CCDC15: variants seen among roughly 807,000 people sequenced by gnomAD.
The protein encoded by CCDC15 is coiled-coil domain-containing protein 15.
CCDC15 carries 105 observed loss-of-function variants against 114.5 expected under a neutral mutation model. The ratio of observed to expected loss-of-function variants is 0.92; its 90% CI spans 0.78 to 1.08. The LOEUF is 1.08. Ranked by LOEUF, CCDC15 falls within the 50% of genes least tolerant of loss-of-function variation. CCDC15 has a pLI of 0.00. For synonymous variants in CCDC15, 334 were observed against 377.8 expected, an observed-to-expected ratio of 0.88 and a Z score of 1.34; for missense variants, 1,105 against 1,093.6, an observed-to-expected ratio of 1.01 and a Z score of -0.15.
chr11:124,965,700 T>C (rs1040881777), intron 4 of CCDC15, among the ~76,000 whole-genome samples: 4 of 152,174 alleles, frequency 2.6e-5, no homozygotes, highest in Admixed American at 6.5e-5. Context: ...ATTTGTTTTC[T>C]CTTGCTTCTC....
At chr11:124,981,778 T>C (rs1024916265) in intron 6 of CCDC15, among the ~76,000 whole-genome samples, 2 of 152,098 alleles carry the variant, frequency 1.3e-5, no homozygotes, top group Admixed American at 1.3e-4. Context: ...CAACATCATG[T>C]GTGGCTAATT....
chr11:125,027,424 G>A (rs1948710961), intron 13 of CCDC15, among the ~76,000 whole-genome samples: 1 of 151,846 alleles, frequency 6.6e-6, no homozygotes, highest in Admixed American at 6.6e-5. Flanking sequence ...TTTAAATTAT[G>A]GCCATTCTTG....
At chr11:124,984,590 A>G (rs1219987420) in intron 6 of CCDC15, among the ~76,000 whole-genome samples, 5 of 152,080 alleles carry the variant, frequency 3.3e-5, no homozygotes, top group Non-Finnish European at 4.4e-5. Flanking sequence ...TAGGCTTTGC[A>G]CCGGCTGGAA....
intron 6 of CCDC15, among the ~76,000 whole-genome samples, chr11:124,978,212 A>G (rs1199978827): frequency 6.6e-6 from 1 of 152,226 alleles, no homozygotes; most frequent in Non-Finnish European, 1.5e-5. Context: ...TTATGGCTGC[A>G]TAGTATTCCA....
At chr11:124,983,162 G>A (rs1948100128) in intron 6 of CCDC15, among the ~76,000 whole-genome samples, 1 of 151,976 alleles carries the variant, frequency 6.6e-6, no homozygotes, top group Admixed American at 6.5e-5. Flanking sequence ...TCTTATAATG[G>A]CCATTTTGTC....
Position 125,038,592 on chromosome 11 carries a change from A to C in CCDC15, c.2573A>C (p.Lys858Thr), listed in dbSNP as rs748663732. Residue 858 changes from lysine (K) to threonine (T), a missense_variant, in exon 14 of 16, where the codon AAA becomes ACA. Lys to Thr is a moderately conservative substitution (Grantham distance 78). Coordinates refer to ENST00000344762, the MANE Select transcript of CCDC15 (RefSeq NM_025004.3). ...KGTREKQQRE[K>T]EYLRYVEALR... ...ACCAGAGAAAAACAACAGAGAGAAA[A>C]AGAATACCTGAGGTAATTTGAAAAG... 6 of 1,566,052 alleles carry C rather than the reference A, an allele frequency of 3.8e-6. No homozygotes were observed. In the East Asian group the frequency reaches 1.4e-4, roughly 36 times the overall value.
chr11:125,032,908 T>C (rs904276184), intron 13 of CCDC15, among the ~76,000 whole-genome samples: 9 of 152,222 alleles, frequency 5.9e-5, no homozygotes, highest in African/African-American at 1.7e-4. Flanking sequence ...CTGGATTCAG[T>C]GTCAGCTCAG....
intron 6 of CCDC15, among the ~76,000 whole-genome samples, chr11:124,978,231 G>T (rs1231224331): frequency 6.6e-6 from 1 of 152,058 alleles, no homozygotes; most frequent in African/African-American, 2.4e-5. Flanking sequence ...CATGGTGTAT[G>T]TGTACCACAT....
At chr11:124,957,787 A>G (rs982541661) in intron 2 of CCDC15, among the ~76,000 whole-genome samples, 1 of 152,200 alleles carries the variant, frequency 6.6e-6, no homozygotes, top group African/African-American at 2.4e-5. Context: ...AATGCATTTG[A>G]TTTTGAGAAT....
At chr11:124,986,700 T>TGTGTGTGTGTGTGAGC in intron 6 of CCDC15, 42 bp from the exon 7 acceptor site, 5 of 1,351,574 alleles carry the variant, frequency 3.7e-6, no homozygotes, top group East Asian at 2.8e-5. Flanking sequence ...TTTGTGTGTG[T>TGTGTGTGTGTGTGAGC]GCGCGCGCGC....
intron 4 of CCDC15, among the ~76,000 whole-genome samples, chr11:124,964,706 G>A (rs558245014): frequency 6.6e-6 from 1 of 152,206 alleles, no homozygotes; most frequent in Non-Finnish European, 1.5e-5. Context: ...AGAGGGCATC[G>A]CTGTCTTGTG....
chr11:124,995,904 C>G (rs774395950), intron 11 of CCDC15, among the ~76,000 whole-genome samples: 1 of 151,794 alleles, frequency 6.6e-6, no homozygotes, highest in Non-Finnish European at 1.5e-5. Context: ...AATCTCAGCT[C>G]ACTGCAACTC....
At chr11:124,974,496 T>C (rs908515727) in intron 4 of CCDC15, among the ~76,000 whole-genome samples, 5 of 152,152 alleles carry the variant, frequency 3.3e-5, no homozygotes, top group Non-Finnish European at 5.9e-5. Context: ...TGAAACAAAT[T>C]GGTTCTTTTG....
At chr11:124,996,060 C>T (rs1394707430) in intron 11 of CCDC15, among the ~76,000 whole-genome samples, 1 of 152,022 alleles carries the variant, frequency 6.6e-6, no homozygotes, top group Admixed American at 6.5e-5. Flanking sequence ...AAACTCCTGA[C>T]CTCAGGTGAC....
intron 13 of CCDC15, among the ~76,000 whole-genome samples, chr11:125,020,930 T>C (rs76822299): frequency 1.3e-5 from 2 of 151,854 alleles, no homozygotes; most frequent in Non-Finnish European, 2.9e-5. Context: ...ATTTTTTTTT[T>C]CCTAGGAGAA....
intron 4 of CCDC15, among the ~76,000 whole-genome samples, chr11:124,968,736 T>C (rs1947828061): frequency 6.6e-6 from 1 of 152,170 alleles, no homozygotes; most frequent in African/African-American, 2.4e-5. Flanking sequence ...GTCTTCTGCG[T>C]CGATCACGCT....
intron 13 of CCDC15, 118 bp from the exon 14 acceptor site, chr11:125,038,313 T>G (rs1381375786): frequency 1.5e-6 from 1 of 657,312 alleles, no homozygotes; most frequent in Admixed American, 3.7e-5. Flanking sequence ...CTTGGGATAT[T>G]AAACTGATTT....
chr11:124,954,615 T>TGAA, intron 1 of CCDC15, 109 bp from the exon 2 acceptor site: 1 of 845,478 alleles, frequency 1.2e-6, no homozygotes, highest in Non-Finnish European at 1.9e-6. Context: ...GCCAGGCTTC[T>TGAA]GCCTCCAGGG....
intron 11 of CCDC15, among the ~76,000 whole-genome samples, chr11:125,002,296 C>A (rs995152278): frequency 6.6e-6 from 1 of 152,158 alleles, no homozygotes; most frequent in Non-Finnish European, 1.5e-5. Flanking sequence ...GTTCCACATA[C>A]AAGTCCCTTA....
Sources: gnomAD v4.1 joint callset for allele counts (sites outside exome capture counted in the v4.1 genomes callset) on GRCh38, gnomAD v4.1.1 for gene constraint, MANE v1.5 for transcripts, NCBI Gene and HGNC (gene_info 2026-07-23, HGNC 2026-07-21) for gene names.